Variants in LZTR1 observed in about 807,000 individuals in gnomAD.
LZTR1 encodes leucine zipper like post translational regulator 1, also known as leucine-zipper-like transcriptional regulator 1.
Under a neutral mutation model 105.7 loss-of-function variants are expected in LZTR1, and 260 were observed. The observed-to-expected ratio is 2.46, with a 90% CI of 2.22 to 2.72. LZTR1 has a LOEUF of 2.72. Ranked by LOEUF, LZTR1 falls within the 30% of genes most tolerant of loss-of-function variation. The pLI is 0.00. For missense variants in LZTR1, 1,214 were observed against 1,166.9 expected, an observed-to-expected ratio of 1.04 and a Z score of -0.59; for synonymous variants, 490 against 476.4, an observed-to-expected ratio of 1.03 and a Z score of -0.37.
At position 20,992,335 on chromosome 22, in the gene LZTR1, C is replaced by T. The variant is rs1036934148; in HGVS notation, c.1115C>T (p.Thr372Ile). Residue 372 changes from threonine to isoleucine, a missense_variant, in exon 10 of 21, where the codon ACC becomes ATC. Thr to Ile is a moderately conservative substitution (Grantham distance 89). Coordinates refer to ENST00000646124, the MANE Select transcript of LZTR1 (RefSeq NM_006767.4). ...GTGTTTGGCCTGGACTTTGGCACCA[C>T]CTCAGCCAAGCAGCCCACCCAGCCT... ...RDVFGLDFGTTSAKQPTQPAS... is the reference protein window; with the variant it reads ...RDVFGLDFGTISAKQPTQPAS... 5 of 1,613,824 alleles carry T rather than the reference C, an allele frequency of 3.1e-6. No individual in the cohort carries two copies. Among genetic ancestry groups the T allele is most frequent in the Non-Finnish European group, 3.4e-6 (4 of 1,179,932 alleles).
intron 3 of LZTR1, chr22:20,986,965 G>C (rs1365635959): frequency 6.6e-6 from 1 of 152,322 alleles, no homozygotes; most frequent in African/African-American, 2.4e-5. Flanking sequence ...GTGCAGGGAA[G>C]ACCTCAAGGT....
At chr22:20,988,210 C>G in intron 5 of LZTR1, 92 bp downstream of exon 5, 1 of 770,616 alleles carries the variant, frequency 1.3e-6, no homozygotes, top group Non-Finnish European at 2.3e-6. Flanking sequence ...AGATGAGGAC[C>G]CTGAGGGCAC....
At chr22:20,997,003 C>T (rs370454433) in intron 20 of LZTR1, 37 bp downstream of exon 20, 21 of 1,603,712 alleles carry the variant, frequency 1.3e-5, no homozygotes, top group African/African-American at 1.1e-4. Context: ...ACTCGCTTCC[C>T]CTTGGCAGTG....
rs139630533 is a variant in LZTR1, at chr22:20,989,886, G to A, written c.651+204G>A. ...GACCTGAGCCTCGCTCTCCTCCCTG[G>A]TGACCTGCGGGCCTTCACGACCAGT... On this transcript the variant is annotated intron_variant, in intron 7 of 20. Coordinates refer to ENST00000646124, the MANE Select transcript of LZTR1 (RefSeq NM_006767.4). 9.9e-5 allele frequency among the ~76,000 whole-genome samples: 15 copies of A among 152,264 alleles called. No homozygotes were observed. The East Asian group carries it at 2.9e-3, about 30-fold the overall frequency.
At chr22:20,985,720 G>A (rs895324550) in intron 2 of LZTR1, 121 bp from the exon 3 acceptor site, 4 of 832,730 alleles carry the variant, frequency 4.8e-6, no homozygotes, top group Admixed American at 2.1e-5. Flanking sequence ...TTGCCTGGCT[G>A]TGTTAGTGAC....
intron 7 of LZTR1, 144 bp from the exon 8 acceptor site, chr22:20,990,242 A>G: frequency 1.1e-6 from 1 of 920,272 alleles, no homozygotes; most frequent in Non-Finnish European, 1.7e-6. Flanking sequence ...CAGGGCTATG[A>G]GCTGTTCCAA....
At position 20,991,810 on chromosome 22, in the gene LZTR1, AG is replaced by A; in HGVS notation, c.975del (p.Gln325HisfsTer26). On this transcript the variant is annotated frameshift_variant, in exon 9 of 21. Coordinates refer to ENST00000646124, the MANE Select transcript of LZTR1 (RefSeq NM_006767.4). LOFTEE classifies it high-confidence loss of function. ...GACTTCCAGACCTGGGAGGTCGTCC[AG>A]CCCAGCTCCGACAGCGAGGTGAGGG... is the stretch of plus-strand genomic sequence containing the variant. ...DVDFQTWEVV[Q>X]PSSDSEVGGA... 1 of 1,550,718 alleles carries A rather than the reference AG, an allele frequency of 6.4e-7. No individual in the cohort carries two copies. The highest frequency in any genetic ancestry group is 8.7e-7 in the Non-Finnish European group (1 of 1,146,980).
chr22:20,990,754 C>G (rs555392807), intron 8 of LZTR1: 1 of 517,634 alleles, frequency 1.9e-6, no homozygotes, highest in South Asian at 2.3e-5. Context: ...CCTGGCTAGG[C>G]CTCCCTCTGA....
intron 1 of LZTR1, 33 bp downstream of exon 1, chr22:20,982,604 G>A (rs909157033): frequency 6.2e-7 from 1 of 1,601,124 alleles, no homozygotes; most frequent in Non-Finnish European, 8.5e-7. Context: ...CTGAGGACAG[G>A]AAGGGCGATC....
intron 5 of LZTR1, 82 bp from the exon 6 acceptor site, chr22:20,988,707 C>T: frequency 2.0e-6 from 2 of 983,220 alleles, no homozygotes; most frequent in South Asian, 1.3e-5. Flanking sequence ...TGGCTGTGGC[C>T]CCTGCACTGA....
chr22:20,994,490 G>A, intron 14 of LZTR1, 68 bp from the exon 15 acceptor site: 4 of 1,524,874 alleles, frequency 2.6e-6, no homozygotes, highest in Middle Eastern at 2.1e-4. Flanking sequence ...TCCATGGGGG[G>A]AGCCCTGCGC....
At position 20,982,361 on chromosome 22, in the gene LZTR1, GTGGACCCGGGATGGC is replaced by G; in HGVS notation, c.-4_11del. 6.5e-7 allele frequency: 1 copy of G among 1,546,160 alleles called. No individual in the cohort carries two copies. The highest frequency in any genetic ancestry group is 1.2e-5 in the South Asian group (1 of 84,124). On this transcript the variant is annotated start_lost and 5_prime_UTR_variant, in exon 1 of 21. Coordinates refer to ENST00000646124, the MANE Select transcript of LZTR1 (RefSeq NM_006767.4). Reference sequence around the variant, plus strand: ...GGGCTTACAGCGCGGCCGATCCGGCGTGGACCCGGGATGGCTGGACCGGGCAGCACGGGGGGGCAG... The same window carrying G: ...GGGCTTACAGCGCGGCCGATCCGGCGTGGACCGGGCAGCACGGGGGGGCAG...
Position 20,991,692 on chromosome 22 carries a change from G to A in LZTR1, c.856G>A (p.Gly286Arg), listed in dbSNP as rs773016962. The stretch of plus-strand genomic sequence containing the variant: ...CCCACCACCCCCGCAGCGGCGCTAC[G>A]GGCATACCATGGTGGCCTTTGACCG... Reference protein sequence around the residue: ...GSPPPPQRRYGHTMVAFDRHL... With the variant: ...GSPPPPQRRYRHTMVAFDRHL... The change falls in exon 9 of 21, where the codon GGG becomes AGG. Residue 286 changes from glycine (G) to arginine (R), a missense_variant. Transcript: ENST00000646124. 14 of 1,602,756 alleles carry A rather than the reference G, an allele frequency of 8.7e-6. No individual in the cohort carries two copies. Among genetic ancestry groups the A allele is most frequent in the Admixed American group, 1.7e-5 (1 of 58,616 alleles).
rs12165759 is a variant in LZTR1 at position 20,984,614 on chromosome 22, G to C, written c.264-1227G>C. Among the ~76,000 whole-genome samples the C allele has an allele frequency of 4.1e-4, 47 of 115,410 alleles. 1 individual carries two copies. The highest frequency in any genetic ancestry group is 1.4e-3 in the African/African-American group (42 of 30,642). The allele number at this position is 115,410 out of a possible 152,430, so 75.7% of individuals were successfully genotyped here. The stretch of plus-strand genomic sequence containing the variant: ...CTGCGGCACGTGGGGCAAGTAAGGA[G>C]GGGGGGGGGGCGGTATCACAATCAC... On this transcript the variant is annotated intron_variant, in intron 2 of 20. Transcript: ENST00000646124.
At position 20,995,982 on chromosome 22, in the gene LZTR1, C is replaced by A; in HGVS notation, c.2089C>A (p.Arg697=). The A allele has an allele frequency of 6.2e-7, 1 of 1,613,766 alleles. No individual in the cohort carries two copies. The highest frequency in any genetic ancestry group is 8.5e-7 in the Non-Finnish European group (1 of 1,180,028). Residue 697 remains arginine, a synonymous_variant, in exon 18 of 21, where the codon CGG becomes AGG. Transcript: ENST00000646124. ...ARSSYFEAMF[R]SFMPEDGQVN... ...CTGCAGCTACTTTGAAGCCATGTTCCGGTCCTTCATGCCCGAAGATGGGCA... is the reference window on the plus strand; with the variant it reads ...CTGCAGCTACTTTGAAGCCATGTTCAGGTCCTTCATGCCCGAAGATGGGCA...
At chr22:20,987,397 A>AAG (rs1212494253) in intron 3 of LZTR1, 107 bp from the exon 4 acceptor site, 3 of 659,910 alleles carry the variant, frequency 4.5e-6, no homozygotes, top group African/African-American at 3.9e-5. Flanking sequence ...TCAAAAAAAA[A>AAG]AAAAAAGAAA....
At chr22:20,992,108 C>G in intron 9 of LZTR1, 106 bp from the exon 10 acceptor site, 2 of 1,175,842 alleles carry the variant, frequency 1.7e-6, no homozygotes, top group Middle Eastern at 5.9e-4. Context: ...CCATGCAGCT[C>G]TTCCTTCTTT....
At chr22:20,993,246 C>T (rs1924670945) in intron 11 of LZTR1, 1 of 414,824 alleles carries the variant, frequency 2.4e-6, no homozygotes, top group Non-Finnish European at 4.4e-6. Context: ...AGCCCCTTCC[C>T]AGGCCTGGAG....
chr22:20,990,555 AGGACGG>A, intron 8 of LZTR1, 30 bp downstream of exon 8: 2 of 1,582,552 alleles, frequency 1.3e-6, no homozygotes, highest in Non-Finnish European at 1.7e-6. Context: ...GGGTGGAGGG[AGGACGG>A]TCAGTTCCCT....
Sources: allele counts gnomAD v4.1 joint callset (sites outside exome capture counted in the v4.1 genomes callset), GRCh38; gene constraint gnomAD v4.1.1; transcripts MANE v1.5; gene names NCBI Gene and HGNC (gene_info 2026-07-23, HGNC 2026-07-21).